The following RAB15 variants were observed in gnomAD, a reference collection of about 807,000 sequenced individuals.
The protein encoded by RAB15 is ras-related protein Rab-15.
In RAB15, 13 loss-of-function variants were observed where a neutral mutation model predicts 31.8. The ratio of observed to expected loss-of-function variants is 0.41; its 90% CI spans 0.27 to 0.65. The LOEUF is 0.65. Ranked by LOEUF, RAB15 falls within the 30% of genes least tolerant of loss-of-function variation. The pLI, the probability that RAB15 is intolerant of heterozygous loss-of-function variation, is 0.32. For missense variants in RAB15, 220 were observed against 277.3 expected (o/e 0.79, Z 1.47); for synonymous variants, 100 against 105.6 (o/e 0.95, Z 0.33).
chr14:64,971,818 A>T lies in RAB15; in HGVS notation c.124+135T>A. ...AAAACCTATGCTCACCCCGAGATTT[A>T]TCCCGGACTCCGGCCTCCGGCGCCA... On this transcript the variant is annotated intron_variant, in intron 1 of 6. Transcript: ENST00000533601. This position sits in a 1 kb window ranked among gnomAD's most constrained non-coding sequence, Gnocchi z 4.1. 1.2e-6 allele frequency: 1 copy of T among 828,618 alleles called. No homozygotes were observed. Among genetic ancestry groups the T allele is most frequent in the Non-Finnish European group, 1.9e-6 (1 of 535,230 alleles). 51.3% of individuals were successfully genotyped at this position (828,618 alleles called of 1,614,324 possible). A position where few individuals can be genotyped will look rare whatever the true frequency, so the allele number is the denominator to read the frequency against.
Position 64,948,410 on chromosome 14 carries a change from C to T in RAB15, c.583G>A (p.Glu195Lys). 1.2e-6 allele frequency: 2 copies of T among 1,613,334 alleles called. No individual in the cohort carries two copies. The highest frequency in any genetic ancestry group is 1.7e-6 in the Non-Finnish European group (2 of 1,179,786). The change falls in exon 7 of 7, where the codon GAG (glutamate) becomes AAG (lysine). Residue 195 changes from glutamate to lysine, a missense_variant. Glu to Lys is a moderately conservative substitution (Grantham distance 56, BLOSUM62 1). Coordinates refer to ENST00000533601, the MANE Select transcript of RAB15 (RefSeq NM_001308154.2). The surrounding 1 kb of genome is among the most constrained non-coding windows in gnomAD (Gnocchi z 7.0). ...SNELALAELE[E>K]EEGKPEGPAN... The stretch of plus-strand genomic sequence containing the variant: ...GGGCCCTCGGGTTTGCCCTCCTCCT[C>T]CTCCAGCTCTGCCAGTGCCAACTCA...
At position 64,948,504 on chromosome 14, in the gene RAB15, C is replaced by T. The variant is rs372193087; in HGVS notation, c.489G>A (p.Thr163=). The T allele has an allele frequency of 3.7e-5, 59 of 1,606,468 alleles. No individual in the cohort carries two copies. The highest frequency in any genetic ancestry group is 4.6e-5 in the Non-Finnish European group (54 of 1,176,424). The part of the protein sequence containing the change: ...CTNLNIKESF[T]RLTELVLQAH... ...CCTGCAGCACCAGCTCTGTCAGACG[C>T]GTGAATGACTGGAAACCAAAGGGCA... Residue 163 remains threonine, a synonymous_variant, in exon 7 of 7, where the codon ACG becomes ACA. Coordinates refer to ENST00000533601, the MANE Select transcript of RAB15 (RefSeq NM_001308154.2). The surrounding 1 kb of genome is among the most constrained non-coding windows in gnomAD (Gnocchi z 7.0).
chr14:64,949,765 A>G (rs985324222), intron 5 of RAB15, among the ~76,000 whole-genome samples: 6 of 151,530 alleles, frequency 4.0e-5, no homozygotes, highest in South Asian at 4.2e-4. Context: ...AAAATAACCA[A>G]TATTTCTTTC....
Position 64,948,196 on chromosome 14 carries a change from G to T in RAB15, c.*158C>A. On this transcript the variant is annotated 3_prime_UTR_variant, in exon 7 of 7. Transcript: ENST00000533601. The surrounding 1 kb of genome is among the most constrained non-coding windows in gnomAD (Gnocchi z 7.0). ...ACAGGGGCTGCTTGAGATGACAGCA[G>T]AGCCGCTCTCAGGGCCAGGCAGGGG... is the stretch of plus-strand genomic sequence containing the variant. 1 of 750,988 alleles carries T rather than the reference G, an allele frequency of 1.3e-6. No individual in the cohort carries two copies. The allele number at this position is 750,988 out of a possible 1,614,324, so 46.5% of individuals were successfully genotyped here.
Position 64,961,928 on chromosome 14 carries a change from A to AG in RAB15, c.125-9358_125-9357insC, listed in dbSNP as rs1451948017. Among the ~76,000 whole-genome samples the AG allele has an allele frequency of 6.2e-4, 94 of 151,072 alleles. 1 individual carries two copies. Among genetic ancestry groups the AG allele is most frequent in the African/African-American group, 2.3e-3 (93 of 41,144 alleles). On this transcript the variant is annotated intron_variant, in intron 1 of 6. Transcript: ENST00000533601. ...AGACTCTGTCTTAAAAAAAAAAAAAAAACAGGCCGGGCGTGGTGGCTCATG... is the reference window on the plus strand; with the variant it reads ...AGACTCTGTCTTAAAAAAAAAAAAAAGAACAGGCCGGGCGTGGTGGCTCATG...
Position 64,970,709 on chromosome 14 carries a change from C to A in RAB15, c.124+1244G>T, listed in dbSNP as rs1394494459. Among the ~76,000 whole-genome samples, 2 of 152,228 alleles carry A rather than the reference C, an allele frequency of 1.3e-5. No homozygotes were observed. Among genetic ancestry groups the A allele is most frequent in the African/African-American group, 2.4e-5 (1 of 41,454 alleles). On this transcript the variant is annotated intron_variant, in intron 1 of 6. Transcript: ENST00000533601. This position sits in a 1 kb window ranked among gnomAD's most constrained non-coding sequence, Gnocchi z 4.1. ...TTGGCAGGTAGGTGCAATTATTATA[C>A]CCGTTCTACAGATGAGAAACTAAAT...
In RAB15 at chr14:64,955,393, A is replaced by C. The variant is rs1358305537; in HGVS notation, c.125-2822T>G. Among the ~76,000 whole-genome samples, 2 of 152,144 alleles carry C rather than the reference A, an allele frequency of 1.3e-5. No homozygotes were observed. Among genetic ancestry groups the C allele is most frequent in the African/African-American group, 2.4e-5 (1 of 41,418 alleles). ...GCCCTGGCCCCAGTAACCCGTGCCC[A>C]TCGTGGCTCCTTCCCTCTCCCTGCG... On this transcript the variant is annotated intron_variant, in intron 1 of 6. Coordinates refer to ENST00000533601, the MANE Select transcript of RAB15 (RefSeq NM_001308154.2). The surrounding 1 kb of genome is among the most constrained non-coding windows in gnomAD (Gnocchi z 4.4).
intron 1 of RAB15, among the ~76,000 whole-genome samples, chr14:64,963,228 C>T (rs1277236218): frequency 6.6e-6 from 1 of 150,538 alleles, no homozygotes; most frequent in Non-Finnish European, 1.5e-5. Context: ...AAGTGATTCT[C>T]CTGCCTCAGG....
chr14:64,970,916 T>G lies in RAB15; in HGVS notation c.124+1037A>C, dbSNP rs1594959439. Among the ~76,000 whole-genome samples the G allele has an allele frequency of 6.6e-6, 1 of 152,208 alleles. No individual in the cohort carries two copies. Among genetic ancestry groups the G allele is most frequent in the Non-Finnish European group, 1.5e-5 (1 of 68,014 alleles). On this transcript the variant is annotated intron_variant, in intron 1 of 6. Transcript: ENST00000533601. The surrounding 1 kb of genome is among the most constrained non-coding windows in gnomAD (Gnocchi z 4.1). ...GGGGGGAGGGGGGATGGTGTGGACA[T>G]GAATCCTCAAGAGGAAGCTGAGAGC...
At position 64,958,328 on chromosome 14, in the gene RAB15, C is replaced by G. The variant is rs1886688410; in HGVS notation, c.125-5757G>C. Among the ~76,000 whole-genome samples the G allele has an allele frequency of 6.6e-6, 1 of 152,132 alleles. No homozygotes were observed. Among genetic ancestry groups the G allele is most frequent in the African/African-American group, 2.4e-5 (1 of 41,426 alleles). On this transcript the variant is annotated intron_variant, in intron 1 of 6. Coordinates refer to ENST00000533601, the MANE Select transcript of RAB15 (RefSeq NM_001308154.2). The surrounding 1 kb of genome is among the most constrained non-coding windows in gnomAD (Gnocchi z 4.4). ...GATGTTAGAGCCCTCATGCATGGGA[C>G]TAACGCCCTTAGAAAAGAGGTCTGA...
intron 1 of RAB15, among the ~76,000 whole-genome samples, chr14:64,956,317 G>A (rs1193941430): frequency 1.3e-5 from 2 of 151,658 alleles, no homozygotes; most frequent in African/African-American, 2.4e-5. Context: ...CTGGGGTGTG[G>A]GGAGAATCGC....
At chr14:64,969,725 C>G (rs1177851326) in intron 1 of RAB15, among the ~76,000 whole-genome samples, 2 of 152,214 alleles carry the variant, frequency 1.3e-5, no homozygotes, top group Admixed American at 1.3e-4. Context: ...GCAGAGACAC[C>G]CCTACTCAGT....
At chr14:64,965,041 G>C (rs551378202) in intron 1 of RAB15, among the ~76,000 whole-genome samples, 1 of 152,312 alleles carries the variant, frequency 6.6e-6, no homozygotes, top group Non-Finnish European at 1.5e-5. Flanking sequence ...CAACTCTTGG[G>C]CTCAAGCAAT....
chr14:64,965,942 G>A (rs925046556), intron 1 of RAB15, among the ~76,000 whole-genome samples: 2 of 152,086 alleles, frequency 1.3e-5, no homozygotes, highest in Admixed American at 6.5e-5. Context: ...GTGGGAGGCC[G>A]AGTCTGTGCC....
rs1399460383 is a variant in RAB15, at chr14:64,951,917, T to G, written c.186-254A>C. Among the ~76,000 whole-genome samples the G allele has an allele frequency of 2.0e-5, 3 of 152,176 alleles. No individual in the cohort carries two copies. The highest frequency in any genetic ancestry group is 6.5e-5 in the Admixed American group (1 of 15,286). On this transcript the variant is annotated intron_variant, in intron 2 of 6. Transcript: ENST00000533601. This position sits in a 1 kb window ranked among gnomAD's most constrained non-coding sequence, Gnocchi z 7.2. Reference sequence around the variant, plus strand: ...CCAGAAGCCACAGCCAGAACAGGCCTTGGACAGCTCTCTGGAATCTGGCCA... The same window carrying G: ...CCAGAAGCCACAGCCAGAACAGGCCGTGGACAGCTCTCTGGAATCTGGCCA...
In RAB15 at chr14:64,951,148, T is replaced by A; in HGVS notation, c.250A>T (p.Ile84Leu). Reference sequence around the variant, plus strand: ...CTGCTAATGTCATAGACCAAAAATATCCCCTGAGAGAGAGAGAAATAGAGA... The same window carrying A: ...CTGCTAATGTCATAGACCAAAAATAACCCCTGAGAGAGAGAGAAATAGAGA... ...TKQYYRRAQG[I>L]FLVYDISSER... The change falls in exon 4 of 7, where the codon ATA becomes TTA. Residue 84 changes from isoleucine to leucine, a missense_variant. Coordinates refer to ENST00000533601, the MANE Select transcript of RAB15 (RefSeq NM_001308154.2). The surrounding 1 kb of genome is among the most constrained non-coding windows in gnomAD (Gnocchi z 7.2). 6.2e-7 allele frequency: 1 copy of A among 1,610,506 alleles called. No homozygotes were observed. The highest frequency in any genetic ancestry group is 8.5e-7 in the Non-Finnish European group (1 of 1,178,652).
At position 64,951,551 on chromosome 14, in the gene RAB15, G is replaced by T; in HGVS notation, c.246+52C>A. ...ACAGACATCTCAAATACCCAGAGCTGGGAGTGTGGGTGGCAGCTTCCCACT... is the reference window on the plus strand; with the variant it reads ...ACAGACATCTCAAATACCCAGAGCTTGGAGTGTGGGTGGCAGCTTCCCACT... On this transcript the variant is annotated intron_variant, in intron 3 of 6. Coordinates refer to ENST00000533601, the MANE Select transcript of RAB15 (RefSeq NM_001308154.2). The surrounding 1 kb of genome is among the most constrained non-coding windows in gnomAD (Gnocchi z 7.2). 6.7e-7 allele frequency: 1 copy of T among 1,489,956 alleles called. No homozygotes were observed. The highest frequency in any genetic ancestry group is 9.4e-7 in the Non-Finnish European group (1 of 1,066,452). The allele number at this position is 1,489,956 out of a possible 1,614,324, so 92.3% of individuals were successfully genotyped here.
Position 64,948,436 on chromosome 14 carries a change from T to C in RAB15, c.557A>G (p.Asn186Ser). ...ELEGLRMRAS[N>S]ELALAELEEE... Reference sequence around the variant, plus strand: ...CTCCAGCTCTGCCAGTGCCAACTCATTGCTGGCACGCATCCGGAGGCCTTC... The same window carrying C: ...CTCCAGCTCTGCCAGTGCCAACTCACTGCTGGCACGCATCCGGAGGCCTTC... The change falls in exon 7 of 7, where the codon AAT (asparagine) becomes AGT (serine). Residue 186 changes from asparagine (N) to serine (S), a missense_variant. By Grantham distance (46) the Asn-to-Ser change is conservative. Coordinates refer to ENST00000533601, the MANE Select transcript of RAB15 (RefSeq NM_001308154.2). The surrounding 1 kb of genome is among the most constrained non-coding windows in gnomAD (Gnocchi z 7.0). The C allele has an allele frequency of 1.2e-6, 2 of 1,613,862 alleles. No homozygotes were observed. The highest frequency in any genetic ancestry group is 1.7e-6 in the Non-Finnish European group (2 of 1,179,908).
intron 1 of RAB15, among the ~76,000 whole-genome samples, chr14:64,969,126 G>A (rs868357100): frequency 1.3e-5 from 2 of 152,244 alleles, no homozygotes; most frequent in African/African-American, 4.8e-5. Flanking sequence ...GCCTCGATCA[G>A]TGGCCAGCAT....
Sources: allele counts gnomAD v4.1 joint callset (sites outside exome capture counted in the v4.1 genomes callset), GRCh38; gene constraint gnomAD v4.1.1; non-coding constraint Gnocchi (gnomAD v3.1); transcripts MANE v1.5; gene names NCBI Gene and HGNC (gene_info 2026-07-23, HGNC 2026-07-21).